PPP6R3: variants seen among roughly 807,000 people sequenced by gnomAD.
PPP6R3 encodes protein phosphatase 6 regulatory subunit 3.
In PPP6R3, 38 loss-of-function variants were observed where a neutral mutation model predicts 110.7. That is an observed-to-expected ratio of 0.34 (90% CI 0.26 to 0.45). The LOEUF (loss-of-function observed/expected upper bound fraction) is 0.45. Ranked by LOEUF, PPP6R3 falls within the 20% of genes least tolerant of loss-of-function variation. PPP6R3 has a pLI of 1.00. For synonymous variants in PPP6R3, 369 were observed against 373.5 expected, an observed-to-expected ratio of 0.99 and a Z score of 0.14; for missense variants, 870 against 1,062.4, an observed-to-expected ratio of 0.82 and a Z score of 2.52.
At chr11:68,513,126 C>A (rs2099118903) in intron 1 of PPP6R3, among the ~76,000 whole-genome samples, 1 of 152,104 alleles carries the variant, frequency 6.6e-6, no homozygotes, top group Non-Finnish European at 1.5e-5. Flanking sequence ...CCCTGGTTCT[C>A]AGGCCCTTTG....
rs367990563 is a variant in PPP6R3, at chr11:68,492,655, T to C, written c.-157-26846T>C. Among the ~76,000 whole-genome samples, 19 of 152,336 alleles carry C rather than the reference T, an allele frequency of 1.2e-4. No individual in the cohort carries two copies. The South Asian group carries it at 1.9e-3, about 15-fold the overall frequency. On this transcript the variant is annotated intron_variant, in intron 1 of 23. Coordinates refer to ENST00000393800, the MANE Select transcript of PPP6R3 (RefSeq NM_001164161.2). ...CAAGAAGTGGAATGGCTAGATCATA[T>C]GGCAGTTCTCATTCTACTTTTTTGA...
chr11:68,580,909 C>G (rs1292763255), intron 14 of PPP6R3, among the ~76,000 whole-genome samples: 1 of 151,744 alleles, frequency 6.6e-6, no homozygotes, highest in African/African-American at 2.4e-5. Flanking sequence ...GTAGCTGGGA[C>G]TACAGGCACC....
intron 14 of PPP6R3, among the ~76,000 whole-genome samples, chr11:68,578,150 T>C (rs748813121): frequency 9.9e-5 from 15 of 152,200 alleles, no homozygotes; most frequent in Admixed American, 2.0e-4. Flanking sequence ...ATAGTAGGTC[T>C]AGGCACCAAG....
intron 1 of PPP6R3, among the ~76,000 whole-genome samples, chr11:68,493,876 G>A (rs920859709): frequency 2.6e-5 from 4 of 151,220 alleles, no homozygotes; most frequent in Non-Finnish European, 5.9e-5. Context: ...GCTGAGGCGG[G>A]TGGATCACAA....
Position 68,542,389 on chromosome 11 carries a change from G to GTTTTGTTTTTTTTTTT in PPP6R3, c.228-2445_228-2444insGTTTTTTTTTTTTTTT, listed in dbSNP as rs1555132285. On this transcript the variant is annotated intron_variant, in intron 3 of 23. Coordinates refer to ENST00000393800, the MANE Select transcript of PPP6R3 (RefSeq NM_001164161.2). ...ATCTTTGGGTGCTTGAGAAGCTGCTGTTTTTTTTTTTTTTTTTTTTTTAAG... is the reference window on the plus strand; with the variant it reads ...ATCTTTGGGTGCTTGAGAAGCTGCTGTTTTGTTTTTTTTTTTTTTTTTTTTTTTTTTTTTTTTTAAG... Among the ~76,000 whole-genome samples, 20 of 40,184 alleles carry GTTTTGTTTTTTTTTTT rather than the reference G, an allele frequency of 5.0e-4. 1 individual carries two copies. The highest frequency in any genetic ancestry group is 7.0e-4 in the Non-Finnish European group (17 of 24,212). The allele number at this position is 40,184 out of a possible 152,430, so 26.4% of individuals were successfully genotyped here. A position where few individuals can be genotyped will look rare whatever the true frequency, so the allele number is the denominator to read the frequency against.
chr11:68,567,308 C>T (rs1345787331), intron 10 of PPP6R3, 142 bp downstream of exon 10: 6 of 929,326 alleles, frequency 6.5e-6, no homozygotes, highest in Non-Finnish European at 7.6e-6. Context: ...GTAGTTTTTG[C>T]CTTGAGTTTA....
chr11:68,538,169 A>G (rs2099280177), intron 3 of PPP6R3, among the ~76,000 whole-genome samples: 1 of 152,244 alleles, frequency 6.6e-6, no homozygotes, highest in African/African-American at 2.4e-5. Flanking sequence ...AAATAGTAAG[A>G]TGATTAAAAT....
chr11:68,606,921 A>T (rs780146018), intron 22 of PPP6R3, among the ~76,000 whole-genome samples: 1 of 152,250 alleles, frequency 6.6e-6, no homozygotes, highest in Non-Finnish European at 1.5e-5. Flanking sequence ...AGTTTAAAAA[A>T]TCAGTAGTCT....
intron 1 of PPP6R3, among the ~76,000 whole-genome samples, chr11:68,506,402 G>GCC (rs1253320953): frequency 1.2e-5 from 1 of 80,920 alleles, no homozygotes; most frequent in African/African-American, 4.5e-5. Flanking sequence ...GCTGCACCCA[G>GCC]CCCTTTATAC....
At chr11:68,603,276 A>C in intron 21 of PPP6R3, 66 bp from the exon 22 acceptor site, 1 of 1,592,408 alleles carries the variant, frequency 6.3e-7, no homozygotes, top group Non-Finnish European at 8.6e-7. Context: ...ATGGGTTTGT[A>C]CAGTGGTGGG....
chr11:68,607,471 C>T (rs1056665944), intron 22 of PPP6R3, among the ~76,000 whole-genome samples: 2 of 152,164 alleles, frequency 1.3e-5, no homozygotes, highest in African/African-American at 4.8e-5. Context: ...GCAGTGCTTT[C>T]TGTGGACCAG....
intron 3 of PPP6R3, among the ~76,000 whole-genome samples, chr11:68,541,924 G>A (rs180843679): frequency 1.3e-5 from 2 of 152,192 alleles, no homozygotes; most frequent in Admixed American, 1.3e-4. Context: ...CTTTGGAGGG[G>A]CCCAGGTGAA....
chr11:68,477,741 A>AAAAAAAAAAAAT, intron 1 of PPP6R3, among the ~76,000 whole-genome samples: 2 of 57,908 alleles, frequency 3.5e-5, no homozygotes, highest in African/African-American at 1.4e-4. Flanking sequence ...AAAAAAAAAA[A>AAAAAAAAAAAAT]ATATATATAT....
Position 68,565,379 on chromosome 11 carries a change from T to C in PPP6R3, c.975+947T>C, listed in dbSNP as rs117046812. ...TGCTGGTTCCATTCCAGCCACATCT[T>C]ATCTGCATTCAGCCTGTGTTGGATG... On this transcript the variant is annotated intron_variant, in intron 9 of 23. Transcript: ENST00000393800. 2.9e-3 allele frequency among the ~76,000 whole-genome samples: 437 copies of C among 152,164 alleles called. 3 individuals carry two copies. In the East Asian group the frequency reaches 0.031, roughly 11 times the overall value.
intron 1 of PPP6R3, among the ~76,000 whole-genome samples, chr11:68,504,218 G>GTT (rs140631559): frequency 4.0e-5 from 6 of 150,290 alleles, no homozygotes; most frequent in Admixed American, 4.0e-4. Flanking sequence ...AGTAGAAATT[G>GTT]TTTTTTTTTT....
intron 2 of PPP6R3, among the ~76,000 whole-genome samples, chr11:68,530,846 A>G (rs2099234892): frequency 1.3e-5 from 2 of 152,238 alleles, no homozygotes; most frequent in Admixed American, 6.5e-5. Flanking sequence ...AAAGTTGCCA[A>G]ATTTAAGCAT....
At chr11:68,511,463 AGTGTGTGT>A (rs111457206) in intron 1 of PPP6R3, among the ~76,000 whole-genome samples, 5 of 138,604 alleles carry the variant, frequency 3.6e-5, no homozygotes, top group South Asian at 4.5e-4. Flanking sequence ...ACTGTGTTAG[AGTGTGTGT>A]GTGTGTGTGT....
intron 1 of PPP6R3, among the ~76,000 whole-genome samples, chr11:68,514,357 A>G (rs541896432): frequency 6.6e-6 from 1 of 151,920 alleles, no homozygotes; most frequent in Admixed American, 6.6e-5. Flanking sequence ...CTGAGCCACC[A>G]TGCTGGCTGT....
chr11:68,498,676 T>G (rs1208122467), intron 1 of PPP6R3, among the ~76,000 whole-genome samples: 1 of 152,242 alleles, frequency 6.6e-6, no homozygotes, highest in African/African-American at 2.4e-5. Context: ...GTTGATTATT[T>G]GTTACTGTTG....
Sources: allele counts gnomAD v4.1 joint callset (sites outside exome capture counted in the v4.1 genomes callset), GRCh38; gene constraint gnomAD v4.1.1; transcripts MANE v1.5; gene names NCBI Gene and HGNC (gene_info 2026-07-23, HGNC 2026-07-21).